Variants in ABHD12 observed in about 807,000 individuals in gnomAD.
ABHD12 encodes lysophosphatidylserine lipase ABHD12.
Under a neutral mutation model 58.3 loss-of-function variants are expected in ABHD12, and 43 were observed. The ratio of observed to expected loss-of-function variants is 0.74; its 90% CI spans 0.58 to 0.95. The LOEUF is 0.95. Among genes scored for constraint, ABHD12 ranks in the 40% least tolerant of loss-of-function variants. The probability of loss-of-function intolerance (pLI) is 0.00; values close to 1 mark genes in which losing one functional copy is unlikely to be tolerated. For synonymous variants in ABHD12, 219 were observed against 211.2 expected, an observed-to-expected ratio of 1.04 and a Z score of -0.32; for missense variants, 539 against 537.2, an observed-to-expected ratio of 1.00 and a Z score of -0.03.
intron 1 of ABHD12, among the ~76,000 whole-genome samples, chr20:25,388,290 T>C (rs2090121416): frequency 6.6e-6 from 1 of 152,192 alleles, no homozygotes; most frequent in South Asian, 2.1e-4. Context: ...ATCTGTTCTA[T>C]GGATATTTGT....
intron 3 of ABHD12, among the ~76,000 whole-genome samples, chr20:25,322,588 T>C (rs2089099880): frequency 6.6e-6 from 1 of 151,018 alleles, no homozygotes; most frequent in South Asian, 2.1e-4. Context: ...TTTCACCATG[T>C]TGTTTAGGGT....
At chr20:25,312,561 T>C (rs942148936) in intron 6 of ABHD12, among the ~76,000 whole-genome samples, 41 of 152,158 alleles carry the variant, frequency 2.7e-4, no homozygotes, top group Non-Finnish European at 8.8e-5. Flanking sequence ...TGCTTTGGCC[T>C]CCCAAAGTGC....
intron 2 of ABHD12, among the ~76,000 whole-genome samples, chr20:25,328,097 T>A (rs2089206575): frequency 6.8e-6 from 1 of 147,074 alleles, no homozygotes. Context: ...AAAACGCCAG[T>A]CTCCTGGAAA....
At chr20:25,304,470 G>A (rs1600763700) in intron 10 of ABHD12, among the ~76,000 whole-genome samples, 1 of 152,374 alleles carries the variant, frequency 6.6e-6, no homozygotes, top group African/African-American at 2.4e-5. Flanking sequence ...GAGGGTGGGG[G>A]TCTCACCCAG....
At position 25,390,427 on chromosome 20, in the gene ABHD12, G is replaced by T. The variant is rs551481703; in HGVS notation, c.191+86C>A. 9 of 1,282,538 alleles carry T rather than the reference G, an allele frequency of 7.0e-6. No individual in the cohort carries two copies. The South Asian group carries it at 1.3e-4, about 19-fold the overall frequency. The allele number at this position is 1,282,538 out of a possible 1,614,324, so 79.4% of individuals were successfully genotyped here. A position where few individuals can be genotyped will look rare whatever the true frequency, so the allele number is the denominator to read the frequency against. On this transcript the variant is annotated intron_variant, in intron 1 of 12. Coordinates refer to ENST00000339157, the MANE Select transcript of ABHD12 (RefSeq NM_001042472.3). ...CGGACGGCCACTCTGGGAGGGGCTG[G>T]GAGGTACCGCGGCCCCCTGCGGGAC...
Position 25,329,627 on chromosome 20 carries a change from C to T in ABHD12, c.317-6197G>A, listed in dbSNP as rs74610896. Among the ~76,000 whole-genome samples, 22 of 152,250 alleles carry T rather than the reference C, an allele frequency of 1.4e-4. No individual in the cohort carries two copies. The East Asian group carries it at 1.5e-3, about 11-fold the overall frequency. On this transcript the variant is annotated intron_variant, in intron 2 of 12. Coordinates refer to ENST00000339157, the MANE Select transcript of ABHD12 (RefSeq NM_001042472.3). ...TAGCTCACCTGCAAAATATTTGTTGCGGGAAAGGCTGAAACTTACTGAGCT... is the reference window on the plus strand; with the variant it reads ...TAGCTCACCTGCAAAATATTTGTTGTGGGAAAGGCTGAAACTTACTGAGCT...
intron 1 of ABHD12, among the ~76,000 whole-genome samples, chr20:25,340,083 A>G (rs371769984): frequency 1.3e-5 from 2 of 152,228 alleles, no homozygotes; most frequent in African/African-American, 4.8e-5. Flanking sequence ...ACTTCTCTAC[A>G]GTACAAAATT....
downstream of ABHD12, chr20:25,295,776 C>T: frequency 7.7e-7 from 1 of 1,294,330 alleles, no homozygotes; most frequent in South Asian, 1.2e-5. Context: ...TTGGCCTGGG[C>T]CAGAGGGGTT....
At chr20:25,344,849 GTCGAC>G (rs1289356872) in intron 1 of ABHD12, among the ~76,000 whole-genome samples, 3 of 152,174 alleles carry the variant, frequency 2.0e-5, no homozygotes, top group African/African-American at 7.2e-5. Context: ...CATAACTATA[GTCGAC>G]TCATCTGTGA....
At chr20:25,298,870 T>C (rs1423216242), downstream of ABHD12, among the ~76,000 whole-genome samples, 2 of 152,160 alleles carry the variant, frequency 1.3e-5, no homozygotes, top group Non-Finnish European at 2.9e-5. Flanking sequence ...GCTGCCAGGT[T>C]GTCCTCATCC....
At position 25,390,511 on chromosome 20, in the gene ABHD12, A is replaced by G. The variant is rs768955340; in HGVS notation, c.191+2T>C. On this transcript the variant is annotated splice_donor_variant, in intron 1 of 12. Transcript: ENST00000339157. LOFTEE classifies it high-confidence loss of function. ...CCCCCCCCGCTCCGCGCGAAGCCTC[A>G]CCTGCCCAGCGCCCGCTTCATTCCC... The G allele has an allele frequency of 8.6e-7, 1 of 1,162,004 alleles. No individual in the cohort carries two copies. The highest frequency in any genetic ancestry group is 1.5e-5 in the South Asian group (1 of 65,322). 72.0% of individuals were successfully genotyped at this position (1,162,004 alleles called of 1,614,324 possible). A position where few individuals can be genotyped will look rare whatever the true frequency, so the allele number is the denominator to read the frequency against.
chr20:25,341,260 G>A (rs1372448862), intron 1 of ABHD12, among the ~76,000 whole-genome samples: 3 of 152,202 alleles, frequency 2.0e-5, no homozygotes, highest in Non-Finnish European at 2.9e-5. Flanking sequence ...TGCTGCTGGG[G>A]ATACTGCTGC....
At chr20:25,343,157 G>C (rs564231923) in intron 1 of ABHD12, among the ~76,000 whole-genome samples, 2 of 152,272 alleles carry the variant, frequency 1.3e-5, no homozygotes, top group South Asian at 4.2e-4. Context: ...CAAAACTCAC[G>C]TAAGAAATAG....
chr20:25,352,072 AC>A (rs1817619057), intron 1 of ABHD12, among the ~76,000 whole-genome samples: 2 of 149,708 alleles, frequency 1.3e-5, no homozygotes, highest in Non-Finnish European at 3.0e-5. Flanking sequence ...GCTCACCGCA[AC>A]CTCCACCTCC....
chr20:25,320,391 G>A (rs2089044517), intron 3 of ABHD12, 73 bp from the exon 4 acceptor site: 1 of 1,598,210 alleles, frequency 6.3e-7, no homozygotes, highest in Non-Finnish European at 8.5e-7. Flanking sequence ...TGCACGTGGT[G>A]TTACTTAATC....
intron 1 of ABHD12, among the ~76,000 whole-genome samples, chr20:25,387,832 C>G (rs182173955): frequency 4.0e-5 from 6 of 151,588 alleles, no homozygotes; most frequent in East Asian, 1.9e-4. Context: ...CACGAGGTCA[C>G]GAGTTCGAGA....
At chr20:25,319,064 C>T (rs776309377) in intron 4 of ABHD12, among the ~76,000 whole-genome samples, 8 of 152,248 alleles carry the variant, frequency 5.3e-5, no homozygotes, top group Admixed American at 1.3e-4. Context: ...TGGTGCCACA[C>T]GGGACCTCGG....
At chr20:25,312,584 C>G (rs541781987) in intron 6 of ABHD12, among the ~76,000 whole-genome samples, 102 of 152,338 alleles carry the variant, frequency 6.7e-4, no homozygotes, top group African/African-American at 2.4e-3. Flanking sequence ...AGATTGCAGC[C>G]TCTGCCCGGC....
At chr20:25,355,502 T>C (rs1358330190) in intron 1 of ABHD12, among the ~76,000 whole-genome samples, 1 of 152,190 alleles carries the variant, frequency 6.6e-6, no homozygotes, top group Non-Finnish European at 1.5e-5. Context: ...AGGGTTTTTT[T>C]GTTGTTTTGT....
Sources: gnomAD v4.1 joint callset for allele counts (sites outside exome capture counted in the v4.1 genomes callset) on GRCh38, gnomAD v4.1.1 for gene constraint, MANE v1.5 for transcripts, NCBI Gene and HGNC (gene_info 2026-07-23, HGNC 2026-07-21) for gene names.